NANOS1: variants seen among roughly 807,000 people sequenced by gnomAD.
The protein encoded by NANOS1 is nanos homolog 1.
Under a neutral mutation model 1.1 loss-of-function variants are expected in NANOS1, and 1 was observed. The observed-to-expected ratio is 0.88, with a 90% CI of 0.31 to 4.20. The LOEUF (loss-of-function observed/expected upper bound fraction) is 4.20. Among genes scored for constraint, NANOS1 ranks in the 30% most tolerant of loss-of-function variants. The pLI, the probability that NANOS1 is intolerant of heterozygous loss-of-function variation, is 0.17. For synonymous variants in NANOS1, 252 were observed against 230.6 expected (o/e 1.09, Z -0.84); for missense variants, 537 against 457.9 (o/e 1.17, Z -1.58).
Position 119,029,761 on chromosome 10 carries a change from C to G in NANOS1, c.-41C>G. The stretch of plus-strand genomic sequence containing the variant: ...CGGCGTGTCCCTTCCGTCCGGCCCG[C>G]GCCGGCGGCGGGGAGGCGGCGCGCG... On this transcript the variant is annotated 5_prime_UTR_variant, in exon 1 of 1. Transcript: ENST00000425699. The G allele has an allele frequency of 3.1e-6, 3 of 972,176 alleles. No individual in the cohort carries two copies. The highest frequency in any genetic ancestry group is 9.4e-5 in the South Asian group (2 of 21,238). 60.2% of individuals were successfully genotyped at this position (972,176 alleles called of 1,614,324 possible).
chr10:119,030,476 G>T lies in NANOS1; in HGVS notation c.675G>T (p.Ala225=). The change falls in exon 1 of 1, where the codon GCG becomes GCT. Residue 225 remains alanine (A), a synonymous_variant. Transcript: ENST00000425699. The surrounding 1 kb of genome is among the most constrained non-coding windows in gnomAD (Gnocchi z 5.3). ...VFCRNNKEAM[A]LYTTHILKGP... ...GCCGGAACAACAAGGAGGCGATGGC[G>T]CTCTACACCACCCATATCCTCAAGG... 1 of 1,502,100 alleles carries T rather than the reference G, an allele frequency of 6.7e-7. No individual in the cohort carries two copies. The highest frequency in any genetic ancestry group is 8.9e-7 in the Non-Finnish European group (1 of 1,127,020). 93.0% of individuals were successfully genotyped at this position (1,502,100 alleles called of 1,614,324 possible).
rs1564744858 is a variant in NANOS1, at chr10:119,030,455, GAAC to G, written c.660_662del (p.Asn220del). 9 of 1,487,750 alleles carry G rather than the reference GAAC, an allele frequency of 6.0e-6. No homozygotes were observed. Among genetic ancestry groups the G allele is most frequent in the East Asian group, 2.7e-5 (1 of 36,682 alleles). 92.2% of individuals were successfully genotyped at this position (1,487,750 alleles called of 1,614,324 possible). On this transcript the variant is annotated inframe_deletion, in exon 1 of 1. Coordinates refer to ENST00000425699, the MANE Select transcript of NANOS1 (RefSeq NM_199461.4). This position sits in a 1 kb window ranked among gnomAD's most constrained non-coding sequence, Gnocchi z 5.3. ...AGCTGCAGGTGTGCGTGTTCTGCCG[GAAC>G]AACAAGGAGGCGATGGCGCTCTACA... is the stretch of plus-strand genomic sequence containing the variant.
rs1007632459 is a variant in NANOS1, at chr10:119,030,032, C to T, written c.231C>T (p.Pro77=). ...GGAACGGCGGCGGCGGCTCCCCGCC[C>T]TCCTCCTCCTCGTCGTCCTGCTGCT... ...RGGNGGGGSP[P]SSSSSSCCSP... Residue 77 remains proline (P), a synonymous_variant, in exon 1 of 1, where the codon CCC becomes CCT. Coordinates refer to ENST00000425699, the MANE Select transcript of NANOS1 (RefSeq NM_199461.4). This position sits in a 1 kb window ranked among gnomAD's most constrained non-coding sequence, Gnocchi z 5.3. The T allele has an allele frequency of 4.4e-6, 6 of 1,355,962 alleles. No homozygotes were observed. In the African/African-American group the frequency reaches 4.5e-5, roughly 10 times the overall value. The allele number at this position is 1,355,962 out of a possible 1,614,324, so 84.0% of individuals were successfully genotyped here. A position where few individuals can be genotyped will look rare whatever the true frequency, so the allele number is the denominator to read the frequency against.
rs1414847765 is a variant in NANOS1, at chr10:119,030,716, C to G, written c.*36C>G. 5 of 1,273,540 alleles carry G rather than the reference C, an allele frequency of 3.9e-6. No individual in the cohort carries two copies. The Admixed American group carries it at 1.7e-4, about 44-fold the overall frequency. The allele number at this position is 1,273,540 out of a possible 1,614,324, so 78.9% of individuals were successfully genotyped here. A position where few individuals can be genotyped will look rare whatever the true frequency, so the allele number is the denominator to read the frequency against. On this transcript the variant is annotated 3_prime_UTR_variant, in exon 1 of 1. Transcript: ENST00000425699. The surrounding 1 kb of genome is among the most constrained non-coding windows in gnomAD (Gnocchi z 5.3). ...TCCCGGCCGCCCAGGGTCGCCGCCG[C>G]CCCTCGCACCGCTAGGTCTGCGCAC...
At position 119,033,129 on chromosome 10, in the gene NANOS1, G is replaced by C. The variant is rs1428279400; in HGVS notation, c.*2449G>C. On this transcript the variant is annotated 3_prime_UTR_variant, in exon 1 of 1. Transcript: ENST00000425699. ...GAGAATTGCTTGAAACCAGGAGGCG[G>C]AGGTTGCAGTGAGCCCAGATCACGC... 1 of 167,032 alleles carries C rather than the reference G, an allele frequency of 6.0e-6. No individual in the cohort carries two copies. Among genetic ancestry groups the C allele is most frequent in the African/African-American group, 2.4e-5 (1 of 41,416 alleles). The allele number at this position is 167,032 out of a possible 1,614,324, so 10.3% of individuals were successfully genotyped here. A position where few individuals can be genotyped will look rare whatever the true frequency, so the allele number is the denominator to read the frequency against.
rs1437335166 is a variant in NANOS1 at position 119,030,467 on chromosome 10, G to C, written c.666G>C (p.Glu222Asp). The C allele has an allele frequency of 2.0e-6, 3 of 1,495,656 alleles. No individual in the cohort carries two copies. Among genetic ancestry groups the C allele is most frequent in the Admixed American group, 2.0e-5 (1 of 50,900 alleles). 92.6% of individuals were successfully genotyped at this position (1,495,656 alleles called of 1,614,324 possible). A position where few individuals can be genotyped will look rare whatever the true frequency, so the allele number is the denominator to read the frequency against. Residue 222 changes from glutamate (E) to aspartate (D), a missense_variant, in exon 1 of 1, where the codon GAG becomes GAC. Transcript: ENST00000425699. This position sits in a 1 kb window ranked among gnomAD's most constrained non-coding sequence, Gnocchi z 5.3. ...GCGTGTTCTGCCGGAACAACAAGGA[G>C]GCGATGGCGCTCTACACCACCCATA... ...QVCVFCRNNKEAMALYTTHIL... is the reference protein window; with the variant it reads ...QVCVFCRNNKDAMALYTTHIL...
At position 119,029,878 on chromosome 10, in the gene NANOS1, C is replaced by T. The variant is rs1398814666; in HGVS notation, c.77C>T (p.Ala26Val). Residue 26 changes from alanine to valine, a missense_variant, in exon 1 of 1, where the codon GCC becomes GTC. Coordinates refer to ENST00000425699, the MANE Select transcript of NANOS1 (RefSeq NM_199461.4). ...APPPMALVPS[A>V]RYVSAPGPAH... ...CCGCCCATGGCGCTCGTGCCCAGCG[C>T]CCGCTACGTGAGCGCCCCGGGCCCG... 2.3e-6 allele frequency: 3 copies of T among 1,303,152 alleles called. No homozygotes were observed. The Admixed American group carries it at 1.0e-4, about 45-fold the overall frequency. The allele number at this position is 1,303,152 out of a possible 1,614,324, so 80.7% of individuals were successfully genotyped here. A position where few individuals can be genotyped will look rare whatever the true frequency, so the allele number is the denominator to read the frequency against.
chr10:119,032,648 A>G lies in NANOS1; in HGVS notation c.*1968A>G, dbSNP rs1848068215. The G allele has an allele frequency of 6.0e-6, 1 of 167,132 alleles. No homozygotes were observed. The highest frequency in any genetic ancestry group is 1.5e-5 in the Non-Finnish European group (1 of 68,134). The allele number at this position is 167,132 out of a possible 1,614,324, so 10.4% of individuals were successfully genotyped here. On this transcript the variant is annotated 3_prime_UTR_variant, in exon 1 of 1. Coordinates refer to ENST00000425699, the MANE Select transcript of NANOS1 (RefSeq NM_199461.4). ...AAGGGCTAGCCAGGTGGCAAGATCAATTTAGCTACTTTGTATTTTCAGAGT... is the reference window on the plus strand; with the variant it reads ...AAGGGCTAGCCAGGTGGCAAGATCAGTTTAGCTACTTTGTATTTTCAGAGT...
rs1372823971 is a variant in NANOS1 at position 119,033,505 on chromosome 10, A to C, written c.*2825A>C. The C allele has an allele frequency of 1.2e-5, 2 of 167,122 alleles. No individual in the cohort carries two copies. Among genetic ancestry groups the C allele is most frequent in the East Asian group, 3.8e-4 (2 of 5,210 alleles). The allele number at this position is 167,122 out of a possible 1,614,324, so 10.4% of individuals were successfully genotyped here. A position where few individuals can be genotyped will look rare whatever the true frequency, so the allele number is the denominator to read the frequency against. The stretch of plus-strand genomic sequence containing the variant: ...TGCCTAGTAGCAAAACAATACAGGG[A>C]AGAGTCAAAAGGGCTTCTCCAACTG... On this transcript the variant is annotated 3_prime_UTR_variant, in exon 1 of 1. Coordinates refer to ENST00000425699, the MANE Select transcript of NANOS1 (RefSeq NM_199461.4).
In NANOS1 at chr10:119,029,990, C is replaced by T. The variant is rs1199312618; in HGVS notation, c.189C>T (p.Phe63=). 12 of 1,415,210 alleles carry T rather than the reference C, an allele frequency of 8.5e-6. No individual in the cohort carries two copies. Among genetic ancestry groups the T allele is most frequent in the Non-Finnish European group, 1.0e-5 (11 of 1,085,182 alleles). The allele number at this position is 1,415,210 out of a possible 1,614,324, so 87.7% of individuals were successfully genotyped here. A position where few individuals can be genotyped will look rare whatever the true frequency, so the allele number is the denominator to read the frequency against. The part of the protein sequence containing the change: ...ITKAVDGEPR[F]GCARGGNGGG... The stretch of plus-strand genomic sequence containing the variant: ...AAGCGGTGGACGGCGAGCCGCGCTT[C>T]GGCTGCGCCCGCGGTGGGAACGGCG... Residue 63 remains phenylalanine (F), a synonymous_variant, in exon 1 of 1, where the codon TTC becomes TTT. Coordinates refer to ENST00000425699, the MANE Select transcript of NANOS1 (RefSeq NM_199461.4).
chr10:119,030,183 G>T lies in NANOS1; in HGVS notation c.382G>T (p.Glu128Ter), dbSNP rs2119807131. The T allele has an allele frequency of 7.4e-7, 1 of 1,342,552 alleles. No homozygotes were observed. The highest frequency in any genetic ancestry group is 3.0e-5 in the East Asian group (1 of 32,854). The allele number at this position is 1,342,552 out of a possible 1,614,324, so 83.2% of individuals were successfully genotyped here. ...GGGCCGCTACCTGGGGAGCGCGCTG[G>T]AATTGCGCGCGCTGGAGCTGTGCGC... ...SRGRYLGSAL[E>*]LRALELCAGP... is the part of the protein sequence containing the mutation. The change falls in exon 1 of 1, where the codon GAA (glutamate) becomes TAA (stop). Residue 128 changes from glutamate (E) to a stop codon, truncating the protein, a stop_gained. Transcript: ENST00000425699. LOFTEE classifies it low-confidence loss of function (END_TRUNC). The surrounding 1 kb of genome is among the most constrained non-coding windows in gnomAD (Gnocchi z 5.3).
In NANOS1 at chr10:119,032,176, T is replaced by C. The variant is rs1425765314; in HGVS notation, c.*1496T>C. 6.0e-6 allele frequency: 1 copy of C among 167,126 alleles called. No individual in the cohort carries two copies. Among genetic ancestry groups the C allele is most frequent in the Non-Finnish European group, 1.5e-5 (1 of 68,134 alleles). The allele number at this position is 167,126 out of a possible 1,614,324, so 10.4% of individuals were successfully genotyped here. A position where few individuals can be genotyped will look rare whatever the true frequency, so the allele number is the denominator to read the frequency against. On this transcript the variant is annotated 3_prime_UTR_variant, in exon 1 of 1. Coordinates refer to ENST00000425699, the MANE Select transcript of NANOS1 (RefSeq NM_199461.4). ...AGGATTTAGCTAGGCTACTAGAAGT[T>C]AGACTGCTTTCGCATTAAACAGCTA...
Position 119,032,042 on chromosome 10 carries a change from G to A in NANOS1, c.*1362G>A, listed in dbSNP as rs1353933595. ...CAGCTACCTGCCAAGCAAGGCAATA[G>A]AAGGCAAAAAATGGAAGTGAATTAA... On this transcript the variant is annotated 3_prime_UTR_variant, in exon 1 of 1. Transcript: ENST00000425699. 1.8e-5 allele frequency: 3 copies of A among 167,010 alleles called. No homozygotes were observed. Among genetic ancestry groups the A allele is most frequent in the South Asian group, 4.1e-4 (2 of 4,832 alleles). The allele number at this position is 167,010 out of a possible 1,614,324, so 10.3% of individuals were successfully genotyped here.
chr10:119,030,398 C>T lies in NANOS1; in HGVS notation c.597C>T (p.Ser199=), dbSNP rs922967993. Residue 199 remains serine, a synonymous_variant, in exon 1 of 1, where the codon TCC becomes TCT. Coordinates refer to ENST00000425699, the MANE Select transcript of NANOS1 (RefSeq NM_199461.4). The surrounding 1 kb of genome is among the most constrained non-coding windows in gnomAD (Gnocchi z 5.3). The part of the protein sequence containing the change: ...WAAEPRLHAA[S]GAAAARLLKP... ...CCGAGCCCCGGCTGCACGCGGCCTC[C>T]GGGGCGGCGGCCGCCCGGCTGCTGA... 4 of 1,325,044 alleles carry T rather than the reference C, an allele frequency of 3.0e-6. No individual in the cohort carries two copies. Among genetic ancestry groups the T allele is most frequent in the African/African-American group, 1.5e-5 (1 of 65,690 alleles). 82.1% of individuals were successfully genotyped at this position (1,325,044 alleles called of 1,614,324 possible).
In NANOS1 at chr10:119,029,801, C is replaced by A; in HGVS notation, c.-1C>A. On this transcript the variant is annotated 5_prime_UTR_variant, in exon 1 of 1. Transcript: ENST00000425699. ...GGCGGCGCGCGGCCCGCAGCCCGCC[C>A]ATGGAGGCTTTCCCCTGGGCGCCCC... is the stretch of plus-strand genomic sequence containing the variant. 7.4e-6 allele frequency: 8 copies of A among 1,085,388 alleles called. No homozygotes were observed. Among genetic ancestry groups the A allele is most frequent in the Non-Finnish European group, 8.9e-6 (8 of 897,392 alleles). 67.2% of individuals were successfully genotyped at this position (1,085,388 alleles called of 1,614,324 possible).
rs776077864 is a variant in NANOS1 at position 119,030,079 on chromosome 10, C to T, written c.278C>T (p.Pro93Leu). The T allele has an allele frequency of 3.8e-5, 50 of 1,315,542 alleles. 2 individuals are homozygous for T. In the Middle Eastern group the frequency reaches 2.8e-3, roughly 73 times the overall value. 81.5% of individuals were successfully genotyped at this position (1,315,542 alleles called of 1,614,324 possible). A position where few individuals can be genotyped will look rare whatever the true frequency, so the allele number is the denominator to read the frequency against. Residue 93 changes from proline (P) to leucine (L), a missense_variant, in exon 1 of 1, where the codon CCT (proline) becomes CTT (leucine). Pro to Leu is a moderately conservative substitution (Grantham distance 98, BLOSUM62 -3). Transcript: ENST00000425699. This position sits in a 1 kb window ranked among gnomAD's most constrained non-coding sequence, Gnocchi z 5.3. ...TGCTCCCCCCACACGGGGGCCGGGCCTGGGGCGCTGGGGCCGGCGCTGGGG... is the reference window on the plus strand; with the variant it reads ...TGCTCCCCCCACACGGGGGCCGGGCTTGGGGCGCTGGGGCCGGCGCTGGGG... ...SCCSPHTGAG[P>L]GALGPALGPP... is the part of the protein sequence containing the mutation.
rs777079057 is a variant in NANOS1, at chr10:119,032,341, A to C, written c.*1661A>C. 14 of 166,964 alleles carry C rather than the reference A, an allele frequency of 8.4e-5. No homozygotes were observed. Among genetic ancestry groups the C allele is most frequent in the African/African-American group, 3.4e-4 (14 of 41,480 alleles). The allele number at this position is 166,964 out of a possible 1,614,324, so 10.3% of individuals were successfully genotyped here. A position where few individuals can be genotyped will look rare whatever the true frequency, so the allele number is the denominator to read the frequency against. ...ACTTGGGGGGCAGGAGGAAAGCACA[A>C]TGTTTCTTAGCCAGGAAAGACAAAT... is the stretch of plus-strand genomic sequence containing the variant. On this transcript the variant is annotated 3_prime_UTR_variant, in exon 1 of 1. Transcript: ENST00000425699.
Position 119,030,263 on chromosome 10 carries a change from C to G in NANOS1, c.462C>G (p.Phe154Leu), listed in dbSNP as rs1478275623. ...AGCGCTTCGCCGAGCTGAGCCCGTT[C>G]GCGGGTCGTGCCGCCGCCGTGCTGC... ...LEERFAELSPFAGRAAAVLLG... is the reference protein window; with the variant it reads ...LEERFAELSPLAGRAAAVLLG... The change falls in exon 1 of 1, where the codon TTC (phenylalanine) becomes TTG (leucine). Residue 154 changes from phenylalanine (F) to leucine (L), a missense_variant. Transcript: ENST00000425699. The surrounding 1 kb of genome is among the most constrained non-coding windows in gnomAD (Gnocchi z 5.3). 9 of 1,237,948 alleles carry G rather than the reference C, an allele frequency of 7.3e-6. No individual in the cohort carries two copies. The South Asian group carries it at 3.0e-4, about 41-fold the overall frequency. The allele number at this position is 1,237,948 out of a possible 1,614,324, so 76.7% of individuals were successfully genotyped here. A position where few individuals can be genotyped will look rare whatever the true frequency, so the allele number is the denominator to read the frequency against.
At position 119,030,634 on chromosome 10, in the gene NANOS1, C is replaced by T; in HGVS notation, c.833C>T (p.Pro278Leu). The change falls in exon 1 of 1, where the codon CCG becomes CTG. Residue 278 changes from proline to leucine, a missense_variant. Coordinates refer to ENST00000425699, the MANE Select transcript of NANOS1 (RefSeq NM_199461.4). This position sits in a 1 kb window ranked among gnomAD's most constrained non-coding sequence, Gnocchi z 5.3. ...GTGCCGCCGCCGCCCGCCCGCCCGC[C>T]GCCCCGCAGCGCCAGGGACGGCCCG... ...SKVPPPPARP[P>L]PRSARDGPPG... 2 of 1,438,562 alleles carry T rather than the reference C, an allele frequency of 1.4e-6. No homozygotes were observed. Among genetic ancestry groups the T allele is most frequent in the Non-Finnish European group, 1.8e-6 (2 of 1,094,486 alleles). 89.1% of individuals were successfully genotyped at this position (1,438,562 alleles called of 1,614,324 possible).
Sources: allele counts gnomAD v4.1 joint callset, GRCh38; gene constraint gnomAD v4.1.1; non-coding constraint Gnocchi (gnomAD v3.1); transcripts MANE v1.5; gene names NCBI Gene and HGNC (gene_info 2026-07-23, HGNC 2026-07-21).